Variants in TRAF3 observed in about 807,000 individuals in gnomAD.
The protein encoded by TRAF3 is TNF receptor associated factor 3, also known as TNF receptor-associated factor 3.
A neutral mutation model predicts 62.3 loss-of-function variants in TRAF3; 13 were observed. The observed-to-expected ratio is 0.21, with a 90% CI of 0.14 to 0.33. TRAF3 has a LOEUF of 0.33. TRAF3 is among the 10% of genes least tolerant of loss of function. The pLI, the probability that TRAF3 is intolerant of heterozygous loss-of-function variation, is 1.00. For synonymous variants in TRAF3, 269 were observed against 283.4 expected (o/e 0.95, Z 0.51); for missense variants, 440 against 741.8 (o/e 0.59, Z 4.73).
At chr14:102,828,826 G>C (rs998538339) in intron 1 of TRAF3, among the ~76,000 whole-genome samples, 2 of 152,106 alleles carry the variant, frequency 1.3e-5, no homozygotes, top group Non-Finnish European at 2.9e-5. Context: ...CTTTTTCTTT[G>C]ATTTGCTAAA....
chr14:102,899,754 C>G (rs902203481), intron 10 of TRAF3, among the ~76,000 whole-genome samples: 1 of 152,170 alleles, frequency 6.6e-6, no homozygotes, highest in Non-Finnish European at 1.5e-5. Context: ...GCCCGATGGC[C>G]TGGCTGTGGC....
intron 3 of TRAF3, 149 bp from the exon 4 acceptor site, chr14:102,871,768 A>G: frequency 1.4e-6 from 1 of 734,398 alleles, no homozygotes. Flanking sequence ...CTTCCTATGT[A>G]AAGTGAATCA....
intron 6 of TRAF3, among the ~76,000 whole-genome samples, chr14:102,879,139 C>T (rs987253218): frequency 6.6e-6 from 1 of 151,252 alleles, no homozygotes; most frequent in Non-Finnish European, 1.5e-5. Flanking sequence ...GGACAGAGCT[C>T]GTGGGGGCCT....
chr14:102,833,544 C>G (rs190698759), intron 2 of TRAF3, among the ~76,000 whole-genome samples: 1 of 152,046 alleles, frequency 6.6e-6, no homozygotes. Context: ...CCTTTGCATT[C>G]GAGTATAGAG....
chr14:102,889,212 A>G (rs1310468263), intron 7 of TRAF3, among the ~76,000 whole-genome samples: 5 of 152,094 alleles, frequency 3.3e-5, no homozygotes, highest in Admixed American at 1.3e-4. Context: ...TTTTCATGCA[A>G]TTTTTGTTTA....
chr14:102,896,163 G>C (rs1168001928), intron 9 of TRAF3, among the ~76,000 whole-genome samples: 1 of 152,154 alleles, frequency 6.6e-6, no homozygotes, highest in Non-Finnish European at 1.5e-5. Context: ...ACATCACTTT[G>C]TTTAAAATCT....
At position 102,826,993 on chromosome 14, in the gene TRAF3, CGGGCTGCTGTGAGGGA is replaced by C. The variant is rs1481849609; in HGVS notation, c.-156-3337_-156-3322del. ...GTGGTGGCGGTGGCTGTACCTGCTCCGGGCTGCTGTGAGGGAGGGACGGGCTCCGGCCACAGGCGTG... is the reference window on the plus strand; with the variant it reads ...GTGGTGGCGGTGGCTGTACCTGCTCCGGGACGGGCTCCGGCCACAGGCGTG... On this transcript the variant is annotated intron_variant, in intron 1 of 11. Transcript: ENST00000392745. This position sits in a 1 kb window ranked among gnomAD's most constrained non-coding sequence, Gnocchi z 4.6. Among the ~76,000 whole-genome samples the C allele has an allele frequency of 1.3e-5, 2 of 152,162 alleles. No homozygotes were observed. Among genetic ancestry groups the C allele is most frequent in the Non-Finnish European group, 2.9e-5 (2 of 68,020 alleles).
intron 6 of TRAF3, among the ~76,000 whole-genome samples, chr14:102,881,952 C>T (rs1304749621): frequency 1.3e-5 from 2 of 152,130 alleles, no homozygotes; most frequent in Non-Finnish European, 2.9e-5. Flanking sequence ...CACGAAATGG[C>T]GTCAGACCCT....
intron 2 of TRAF3, among the ~76,000 whole-genome samples, chr14:102,844,343 A>G (rs1367118595): frequency 6.6e-6 from 1 of 152,192 alleles, no homozygotes; most frequent in Non-Finnish European, 1.5e-5. Flanking sequence ...CTAGCTATAG[A>G]TGGTTCACTT....
intron 1 of TRAF3, among the ~76,000 whole-genome samples, chr14:102,820,112 T>C (rs1899800373): frequency 6.6e-6 from 1 of 152,232 alleles, no homozygotes; most frequent in South Asian, 2.1e-4. Context: ...GTTCTCCCTG[T>C]CATCTCCCCC....
intron 9 of TRAF3, among the ~76,000 whole-genome samples, 176 bp from the exon 10 acceptor site, chr14:102,897,085 A>G (rs897197975): frequency 6.6e-6 from 1 of 152,134 alleles, no homozygotes; most frequent in Non-Finnish European, 1.5e-5. Flanking sequence ...GAGGGGAAAA[A>G]AAAGAAAGAA....
At chr14:102,872,890 C>T (rs1888424938) in intron 4 of TRAF3, among the ~76,000 whole-genome samples, 1 of 152,054 alleles carries the variant, frequency 6.6e-6, no homozygotes, top group South Asian at 2.1e-4. Flanking sequence ...CGGGGTTTCA[C>T]CGTGTTGGTT....
intron 10 of TRAF3, among the ~76,000 whole-genome samples, chr14:102,898,204 A>G (rs1268451385): frequency 6.6e-6 from 1 of 152,226 alleles, no homozygotes; most frequent in Non-Finnish European, 1.5e-5. Flanking sequence ...AATTTTTGAC[A>G]TTGGAGATGA....
intron 2 of TRAF3, among the ~76,000 whole-genome samples, chr14:102,869,441 G>T (rs1038248087): frequency 1.3e-5 from 2 of 152,154 alleles, no homozygotes; most frequent in African/African-American, 2.4e-5. Flanking sequence ...ATGATGCATT[G>T]AATTCAAAGT....
At chr14:102,782,565 C>T (rs922825181) in intron 1 of TRAF3, among the ~76,000 whole-genome samples, 1 of 152,200 alleles carries the variant, frequency 6.6e-6, no homozygotes, top group Non-Finnish European at 1.5e-5. Context: ...GTCCTTTCCC[C>T]AACCTACTCC....
intron 4 of TRAF3, 134 bp downstream of exon 4, chr14:102,872,102 A>G: frequency 2.2e-6 from 2 of 899,062 alleles, no homozygotes; most frequent in South Asian, 2.7e-5. Flanking sequence ...GCTCCCAGGC[A>G]GGACACTGTG....
At chr14:102,800,982 C>CCT (rs879498515) in intron 1 of TRAF3, among the ~76,000 whole-genome samples, 1,927 of 150,364 alleles carry the variant, frequency 0.013, 26 homozygotes, top group Non-Finnish European at 0.02. Context: ...ATCGAGACCA[C>CCT]GGTGAAACCC....
At position 102,777,510 on chromosome 14, in the gene TRAF3, C is replaced by T. The variant is rs1438897962; in HGVS notation, c.-322C>T. 1 of 144,850 alleles carries T rather than the reference C, an allele frequency of 6.9e-6. No homozygotes were observed. The highest frequency in any genetic ancestry group is 1.5e-5 in the Non-Finnish European group (1 of 65,166). 9.0% of individuals were successfully genotyped at this position (144,850 alleles called of 1,614,324 possible). The stretch of plus-strand genomic sequence containing the variant: ...GCGGCGCGGCCGCCGCGTGCGCGAG[C>T]CGGGGTTGCAGCCCAGCCGGGACTT... On this transcript the variant is annotated 5_prime_UTR_variant, in exon 1 of 12. Coordinates refer to ENST00000392745, the MANE Select transcript of TRAF3 (RefSeq NM_145725.3).
At chr14:102,787,957 T>G (rs1300248075) in intron 1 of TRAF3, among the ~76,000 whole-genome samples, 1 of 151,352 alleles carries the variant, frequency 6.6e-6, no homozygotes, top group Non-Finnish European at 1.5e-5. Context: ...GTTCAAGCCA[T>G]TCTCATGCCT....
Sources: allele counts gnomAD v4.1 joint callset (sites outside exome capture counted in the v4.1 genomes callset), GRCh38; gene constraint gnomAD v4.1.1; non-coding constraint Gnocchi (gnomAD v3.1); transcripts MANE v1.5; gene names NCBI Gene and HGNC (gene_info 2026-07-23, HGNC 2026-07-21).